FAM47E: variants seen among roughly 807,000 people sequenced by gnomAD.
FAM47E encodes the protein family with sequence similarity 47 member E.
In FAM47E, 32 loss-of-function variants were observed where a neutral mutation model predicts 41.6. The ratio of observed to expected loss-of-function variants is 0.77; its 90% CI spans 0.58 to 1.03. The LOEUF (loss-of-function observed/expected upper bound fraction) is 1.03. FAM47E is among the 50% of genes least tolerant of loss of function. The pLI is 0.00. For missense variants in FAM47E, 424 were observed against 485.4 expected, an observed-to-expected ratio of 0.87 and a Z score of 1.19; for synonymous variants, 184 against 188.7, an observed-to-expected ratio of 0.98 and a Z score of 0.20.
chr4:76,229,973 G>C (rs975058741), intron 2 of FAM47E, among the ~76,000 whole-genome samples: 4 of 152,192 alleles, frequency 2.6e-5, no homozygotes, highest in African/African-American at 9.6e-5. Context: ...TCTCCAGCCA[G>C]GAGGTGGTGC....
At position 76,256,404 on chromosome 4, in the gene FAM47E, C is replaced by G. The variant is rs1463986765; in HGVS notation, c.301C>G (p.Leu101Val). 1.3e-6 allele frequency: 2 copies of G among 1,552,156 alleles called. No individual in the cohort carries two copies. The highest frequency in any genetic ancestry group is 2.4e-5 in the East Asian group (1 of 40,962). Residue 101 changes from leucine to valine, a missense_variant, in exon 2 of 8, where the codon CTT becomes GTT. By Grantham distance (32) the Leu-to-Val change is conservative. Transcript: ENST00000424749. ...CAAGCTGCTCAAGGAAGCAGACGTG[C>G]TTTCCAAGCTCTCGCCAGCCCAGCA... The part of the protein sequence containing the change: ...QIKLLKEADV[L>V]SKLSPAQQAR...
At chr4:76,228,478 TAAAA>T (rs906897366) in intron 2 of FAM47E, among the ~76,000 whole-genome samples, 1 of 140,790 alleles carries the variant, frequency 7.1e-6, no homozygotes, top group Non-Finnish European at 1.6e-5. Context: ...GCCTCCATCT[TAAAA>T]AAAAAAAAAG....
At chr4:76,243,160 T>A (rs554461261) in intron 2 of FAM47E, among the ~76,000 whole-genome samples, 1 of 152,326 alleles carries the variant, frequency 6.6e-6, no homozygotes, top group Non-Finnish European at 1.5e-5. Context: ...CATGCTGGCA[T>A]CCTGATCTCA....
chr4:76,261,435 A>G (rs1212130102), intron 2 of FAM47E, among the ~76,000 whole-genome samples: 1 of 152,232 alleles, frequency 6.6e-6, no homozygotes, highest in Admixed American at 6.5e-5. Context: ...GTGTCCATCA[A>G]TGATGGATTG....
intron 5 of FAM47E, among the ~76,000 whole-genome samples, chr4:76,276,605 C>T (rs1035283366): frequency 4.6e-5 from 7 of 152,146 alleles, no homozygotes; most frequent in East Asian, 1.9e-4. Context: ...TCAGGTGATC[C>T]GCCCACCTTG....
rs1319546584 is a variant in FAM47E, at chr4:76,237,381, T to G, written c.81+19693T>G. On this transcript the variant is annotated intron_variant, in intron 2 of 7. Transcript: ENST00000510197. ...TTTTTTTTTGTTTGTTTGTTTGTTT[T>G]TTTTTTGGTTTACAAGGTAAAAGTT... Among the ~76,000 whole-genome samples, 11 of 151,394 alleles carry G rather than the reference T, an allele frequency of 7.3e-5. 1 individual carries two copies. The highest frequency in any genetic ancestry group is 1.3e-4 in the Admixed American group (2 of 15,232).
intron 3 of FAM47E, chr4:76,267,568 A>G (rs1268756393): frequency 6.6e-6 from 1 of 152,262 alleles, no homozygotes; most frequent in African/African-American, 2.4e-5. Flanking sequence ...TTGAACACAA[A>G]AGCTTGTTCA....
At chr4:76,261,691 T>C (rs1734425274) in intron 2 of FAM47E, among the ~76,000 whole-genome samples, 1 of 152,044 alleles carries the variant, frequency 6.6e-6, no homozygotes, top group Admixed American at 6.6e-5. Flanking sequence ...TAGGAGGGTG[T>C]TGAGGATTCA....
intron 2 of FAM47E, among the ~76,000 whole-genome samples, chr4:76,219,526 G>A (rs906325208): frequency 1.3e-5 from 2 of 152,268 alleles, no homozygotes; most frequent in Non-Finnish European, 1.5e-5. Context: ...TAAACAACAC[G>A]AGAGGTCACA....
chr4:76,215,171 G>A lies in FAM47E; in HGVS notation c.-30+747G>A, dbSNP rs138142271. On this transcript the variant is annotated intron_variant, in intron 1 of 7. Transcript: ENST00000510197. Reference sequence around the variant, plus strand: ...GTATGGATTTCAGCAGAGCTCAGCAGTTGAGGCGGAGCCATTGGTCAGTTA... The same window carrying A: ...GTATGGATTTCAGCAGAGCTCAGCAATTGAGGCGGAGCCATTGGTCAGTTA... Among the ~76,000 whole-genome samples the A allele has an allele frequency of 6.2e-4, 94 of 152,354 alleles. 1 individual carries two copies. The highest frequency in any genetic ancestry group is 2.1e-3 in the African/African-American group (88 of 41,578).
intron 2 of FAM47E, among the ~76,000 whole-genome samples, chr4:76,234,725 T>C (rs996861195): frequency 2.0e-5 from 3 of 152,106 alleles, no homozygotes; most frequent in African/African-American, 7.2e-5. Flanking sequence ...GATCGGGCAA[T>C]ATAGTGACAC....
At chr4:76,217,247 G>A (rs956528388) in intron 1 of FAM47E, among the ~76,000 whole-genome samples, 3 of 152,192 alleles carry the variant, frequency 2.0e-5, no homozygotes, top group African/African-American at 7.2e-5. Flanking sequence ...CTTGGGAAGG[G>A]GTTACTGCTC....
intron 2 of FAM47E, among the ~76,000 whole-genome samples, chr4:76,223,456 T>C (rs1306477196): frequency 6.6e-6 from 1 of 152,210 alleles, no homozygotes; most frequent in African/African-American, 2.4e-5. Flanking sequence ...AGCAGAATCC[T>C]GTATAATCCA....
Position 76,271,716 on chromosome 4 carries a change from A to G in FAM47E, c.818A>G (p.Glu273Gly). The G allele has an allele frequency of 6.4e-7, 1 of 1,551,728 alleles. No homozygotes were observed. The highest frequency in any genetic ancestry group is 8.7e-7 in the Non-Finnish European group (1 of 1,146,970). Reference sequence around the variant, plus strand: ...AGTGTGGGGCTCAGTAAACTGCAGGAGACAGAGTTCTTCCAGAAACTAGGC... The same window carrying G: ...AGTGTGGGGCTCAGTAAACTGCAGGGGACAGAGTTCTTCCAGAAACTAGGC... ...KRSVGLSKLQ[E>G]TEFFQKLGYE... The change falls in exon 5 of 8, where the codon GAG becomes GGG. Residue 273 changes from glutamate to glycine, a missense_variant. Physicochemically the swap from Glu to Gly is moderately conservative, Grantham distance 98. Coordinates refer to ENST00000424749, the MANE Select transcript of FAM47E (RefSeq NM_001136570.3).
chr4:76,268,916 C>T (rs1876539), intron 4 of FAM47E, 148 bp downstream of exon 4: 372,804 of 958,468 alleles, frequency 0.39, 74,306 homozygotes, highest in Admixed American at 0.44. Flanking sequence ...TCCTCAAAGT[C>T]GTAAAGGAAT....
intron 2 of FAM47E, among the ~76,000 whole-genome samples, chr4:76,233,597 C>T (rs1213159903): frequency 1.3e-5 from 2 of 152,034 alleles, no homozygotes; most frequent in Non-Finnish European, 2.9e-5. Context: ...CACACACACA[C>T]ACACACATAT....
At chr4:76,225,021 T>C (rs1446343991) in intron 2 of FAM47E, among the ~76,000 whole-genome samples, 1 of 152,154 alleles carries the variant, frequency 6.6e-6, no homozygotes, top group East Asian at 1.9e-4. Flanking sequence ...TAGCTCCCAC[T>C]TGTGAGAAGA....
intron 1 of FAM47E, 21 bp from the exon 2 acceptor site, chr4:76,256,157 G>C: frequency 6.5e-7 from 1 of 1,544,828 alleles, no homozygotes; most frequent in Non-Finnish European, 8.8e-7. Context: ...TAGGTACAAA[G>C]AGAATCTATC....
intron 5 of FAM47E, 49 bp downstream of exon 5, chr4:76,271,817 A>G (rs1273053244): frequency 5.2e-6 from 8 of 1,524,490 alleles, no homozygotes; most frequent in Admixed American, 2.2e-5. Context: ...ATTAAGTTGT[A>G]TTGAAGTCTT....
Sources: allele counts gnomAD v4.1 joint callset (sites outside exome capture counted in the v4.1 genomes callset), GRCh38; gene constraint gnomAD v4.1.1; transcripts MANE v1.5; gene names NCBI Gene and HGNC (gene_info 2026-07-23, HGNC 2026-07-21).